The following DGKB variants were observed in gnomAD, a reference collection of about 807,000 sequenced individuals.
The protein encoded by DGKB is 90 kDa diacylglycerol kinase.
Under a neutral mutation model 114.3 loss-of-function variants are expected in DGKB, and 67 were observed. The ratio of observed to expected loss-of-function variants is 0.59; its 90% CI spans 0.48 to 0.72. DGKB has a LOEUF of 0.72. Among genes scored for constraint, DGKB ranks in the 30% least tolerant of loss-of-function variants. The pLI, the probability that DGKB is intolerant of heterozygous loss-of-function variation, is 0.00. For synonymous variants in DGKB, 398 were observed against 323.1 expected (o/e 1.23, Z -2.49); for missense variants, 907 against 975.2 (o/e 0.93, Z 0.93).
intron 20 of DGKB, among the ~76,000 whole-genome samples, chr7:14,548,680 T>C (rs558768106): frequency 9.9e-5 from 15 of 152,258 alleles, no homozygotes; most frequent in East Asian, 9.7e-4. Flanking sequence ...TTGGAATTCA[T>C]CTGTATGCAA....
intron 20 of DGKB, among the ~76,000 whole-genome samples, chr7:14,478,813 AC>A (rs1396486712): frequency 7.5e-4 from 110 of 147,200 alleles, no homozygotes; most frequent in African/African-American, 2.6e-3. Flanking sequence ...GAAAAAAAAA[AC>A]AACAACAAAG....
chr7:14,476,998 C>T (rs1459241858), intron 21 of DGKB, among the ~76,000 whole-genome samples: 4 of 152,046 alleles, frequency 2.6e-5, no homozygotes, highest in Non-Finnish European at 4.4e-5. Flanking sequence ...GATCTGCCCG[C>T]CTTGGCCTCC....
intron 20 of DGKB, among the ~76,000 whole-genome samples, chr7:14,537,655 C>T (rs1315136014): frequency 2.0e-5 from 3 of 152,094 alleles, no homozygotes; most frequent in Non-Finnish European, 4.4e-5. Context: ...GACTTAAATG[C>T]ACAATTTGAA....
intron 1 of DGKB, among the ~76,000 whole-genome samples, chr7:14,890,872 GA>G (rs71548099): frequency 0.43 from 61,588 of 142,972 alleles, 13,497 homozygotes; most frequent in East Asian, 0.66. Context: ...TGCCACAAAT[GA>G]AAAAAAAAAA....
At chr7:14,564,710 A>C (rs1425816012) in intron 20 of DGKB, among the ~76,000 whole-genome samples, 1 of 152,068 alleles carries the variant, frequency 6.6e-6, no homozygotes, top group East Asian at 1.9e-4. Context: ...TTTTTACCAG[A>C]CTTCTTAGCA....
intron 1 of DGKB, among the ~76,000 whole-genome samples, chr7:14,877,619 G>C (rs1362166383): frequency 6.6e-6 from 1 of 152,154 alleles, no homozygotes; most frequent in Non-Finnish European, 1.5e-5. Flanking sequence ...CTCTGGCATT[G>C]CATTTCCATC....
chr7:14,180,869 TATTTTAAGA>T (rs1782537832), intron 23 of DGKB, among the ~76,000 whole-genome samples: 1 of 152,170 alleles, frequency 6.6e-6, no homozygotes, highest in Non-Finnish European at 1.5e-5. Context: ...AGCTAAGAGT[TATTTTAAGA>T]ACAGTTCTCC....
rs753429820 is a variant in DGKB at position 14,871,798 on chromosome 7, T to A, written c.-187-30348A>T. On this transcript the variant is annotated intron_variant, in intron 1 of 25. Transcript: ENST00000402815. ...CATATTTATTAGGCAGATTGCTATA[T>A]ATGGGGAGGTGTGGTGATGGATGGC... 1.1e-4 allele frequency among the ~76,000 whole-genome samples: 17 copies of A among 152,202 alleles called. 1 individual carries two copies. The highest frequency in any genetic ancestry group is 2.2e-4 in the Non-Finnish European group (15 of 68,030).
rs1473956415 is a variant in DGKB, at chr7:14,145,329, A to G, written c.*3802T>C. 1 of 152,172 alleles carries G rather than the reference A, an allele frequency of 6.6e-6. No individual in the cohort carries two copies. The highest frequency in any genetic ancestry group is 1.5e-5 in the Non-Finnish European group (1 of 68,032). The allele number at this position is 152,172 out of a possible 1,614,324, so 9.4% of individuals were successfully genotyped here. Reference sequence around the variant, plus strand: ...GCTTTAATATATGTTACAAGGGTTTAATCTTTTAATAGAGATATTATTCAG... The same window carrying G: ...GCTTTAATATATGTTACAAGGGTTTGATCTTTTAATAGAGATATTATTCAG... On this transcript the variant is annotated 3_prime_UTR_variant, in exon 26 of 26. Transcript: ENST00000402815.
chr7:14,797,239 G>A (rs1841532326), intron 2 of DGKB, among the ~76,000 whole-genome samples: 1 of 152,002 alleles, frequency 6.6e-6, no homozygotes, highest in Admixed American at 6.6e-5. Context: ...TCCCATATTT[G>A]AGCCAGTTTA....
At chr7:14,471,528 A>G (rs1229255853) in intron 21 of DGKB, among the ~76,000 whole-genome samples, 2 of 150,590 alleles carry the variant, frequency 1.3e-5, no homozygotes, top group Non-Finnish European at 3.0e-5. Context: ...AAGAAGCACA[A>G]ACTAATCTAT....
chr7:14,406,856 A>G (rs1824017111), intron 21 of DGKB, among the ~76,000 whole-genome samples: 1 of 152,114 alleles, frequency 6.6e-6, no homozygotes, highest in African/African-American at 2.4e-5. Context: ...TGTAGGAGTG[A>G]AGAGAATAAA....
intron 23 of DGKB, among the ~76,000 whole-genome samples, chr7:14,278,590 T>C (rs1799378961): frequency 6.6e-6 from 1 of 152,168 alleles, no homozygotes; most frequent in Admixed American, 6.5e-5. Context: ...GCAATGATTT[T>C]TGGGGATATG....
chr7:14,578,935 C>T (rs1181822862), intron 19 of DGKB, among the ~76,000 whole-genome samples: 3 of 152,128 alleles, frequency 2.0e-5, no homozygotes, highest in African/African-American at 4.8e-5. Flanking sequence ...ACTCACTATC[C>T]CTAATTGCCC....
At chr7:14,630,327 A>G in intron 13 of DGKB, 59 bp from the exon 14 acceptor site, 1 of 1,367,064 alleles carries the variant, frequency 7.3e-7, no homozygotes, top group Non-Finnish European at 1.0e-6. Context: ...AAAACAAATC[A>G]GTGAAGTTTC....
At chr7:14,365,025 A>T (rs190086170) in intron 21 of DGKB, among the ~76,000 whole-genome samples, 1 of 151,848 alleles carries the variant, frequency 6.6e-6, no homozygotes, top group Non-Finnish European at 1.5e-5. Flanking sequence ...TTTTCTTTTG[A>T]AACTTACCAC....
intron 23 of DGKB, among the ~76,000 whole-genome samples, chr7:14,193,129 C>G (rs1040982130): frequency 1.3e-5 from 2 of 151,130 alleles, no homozygotes; most frequent in South Asian, 2.1e-4. Flanking sequence ...CAGACCCATA[C>G]GCCTGTTTGT....
At chr7:14,618,982 T>C (rs1807088993) in intron 15 of DGKB, among the ~76,000 whole-genome samples, 1 of 151,576 alleles carries the variant, frequency 6.6e-6, no homozygotes, top group Admixed American at 6.6e-5. Flanking sequence ...AATTGATAAA[T>C]ACAACACAAA....
upstream of DGKB, among the ~76,000 whole-genome samples, chr7:14,908,130 A>G: frequency 6.6e-6 from 1 of 152,194 alleles, no homozygotes; most frequent in East Asian, 1.9e-4. Context: ...GTTCCTGAAA[A>G]TGTCCACGTT....
Sources: gnomAD v4.1 joint callset for allele counts (sites outside exome capture counted in the v4.1 genomes callset) on GRCh38, gnomAD v4.1.1 for gene constraint, MANE v1.5 for transcripts, NCBI Gene and HGNC (gene_info 2026-07-23, HGNC 2026-07-21) for gene names.